The following STK10 variants were observed in gnomAD, a reference collection of about 807,000 sequenced individuals.
The protein encoded by STK10 is serine/threonine-protein kinase 10.
In STK10, 78 loss-of-function variants were observed where a neutral mutation model predicts 113.8. That is an observed-to-expected ratio of 0.69 (90% confidence interval 0.57 to 0.83). The LOEUF (loss-of-function observed/expected upper bound fraction) is 0.83. Among genes scored for constraint, STK10 ranks in the 40% least tolerant of loss-of-function variants. The probability of loss-of-function intolerance (pLI) is 0.00; values close to 1 mark genes in which losing one functional copy is unlikely to be tolerated. For synonymous variants in STK10, 465 were observed against 494.7 expected, an observed-to-expected ratio of 0.94 and a Z score of 0.80; for missense variants, 1,109 against 1,280.1, an observed-to-expected ratio of 0.87 and a Z score of 2.04.
intron 12 of STK10, among the ~76,000 whole-genome samples, chr5:172,081,926 G>C (rs192613912): frequency 6.6e-6 from 1 of 152,304 alleles, no homozygotes; most frequent in Admixed American, 6.5e-5. Context: ...GAGGCAGAGA[G>C]GGTGGAGCAT....
rs527330551 is a variant in STK10 at position 172,177,823 on chromosome 5, TTTTTG to T, written c.156+10059_156+10063del. Among the ~76,000 whole-genome samples, 19 of 151,910 alleles carry T rather than the reference TTTTTG, an allele frequency of 1.3e-4. 1 individual carries two copies. Among genetic ancestry groups the T allele is most frequent in the African/African-American group, 4.4e-4 (18 of 41,340 alleles). On this transcript the variant is annotated intron_variant, in intron 1 of 18. Coordinates refer to ENST00000176763, the MANE Select transcript of STK10 (RefSeq NM_005990.4). ...GAGACAGAAGGGACCAACTTACCTG[TTTTTG>T]TTTTGTTTTGTTTTGTTGAGACAGA...
intron 1 of STK10, among the ~76,000 whole-genome samples, chr5:172,166,159 G>A (rs527589683): frequency 2.0e-5 from 3 of 152,256 alleles, no homozygotes; most frequent in East Asian, 3.9e-4. Flanking sequence ...CTGCTAAATC[G>A]GTAGAATGAA....
rs182062057 is a variant in STK10, at chr5:172,133,019, T to A, written c.322-5598A>T. On this transcript the variant is annotated intron_variant, in intron 2 of 18. Coordinates refer to ENST00000176763, the MANE Select transcript of STK10 (RefSeq NM_005990.4). This position sits in a 1 kb window ranked among gnomAD's most constrained non-coding sequence, Gnocchi z 4.9. Reference sequence around the variant, plus strand: ...GGTGAATTTACCACGTGGGGAAGGGTAAAGGCACTCCTGGCAGAACACAGA... The same window carrying A: ...GGTGAATTTACCACGTGGGGAAGGGAAAAGGCACTCCTGGCAGAACACAGA... Among the ~76,000 whole-genome samples, 448 of 151,984 alleles carry A rather than the reference T, an allele frequency of 2.9e-3. 3 individuals carry two copies. The highest frequency in any genetic ancestry group is 0.01 in the African/African-American group (431 of 41,442).
intron 18 of STK10, 143 bp downstream of exon 18, chr5:172,052,786 C>G (rs1767656379): frequency 1.3e-6 from 1 of 762,536 alleles, no homozygotes; most frequent in Non-Finnish European, 2.1e-6. Flanking sequence ...AAGTTCCCCT[C>G]TCTCTCAGGC....
chr5:172,118,856 G>C (rs1769442600), intron 3 of STK10, among the ~76,000 whole-genome samples: 1 of 139,420 alleles, frequency 7.2e-6, no homozygotes. Flanking sequence ...TCCAGCCTGG[G>C]TGACAGAGCG....
chr5:172,106,824 C>A lies in STK10; in HGVS notation c.594-10G>T, dbSNP rs764722349. 1 of 1,612,138 alleles carries A rather than the reference C, an allele frequency of 6.2e-7. No homozygotes were observed. Among genetic ancestry groups the A allele is most frequent in the Non-Finnish European group, 8.5e-7 (1 of 1,178,672 alleles). On this transcript the variant is annotated splice_polypyrimidine_tract_variant and intron_variant, in intron 5 of 18. Coordinates refer to ENST00000176763, the MANE Select transcript of STK10 (RefSeq NM_005990.4). Reference sequence around the variant, plus strand: ...CACCTCGGGGGCCATCCTGAACCAACCAAGGGACAACATAGGGCTAAGAAT... The same window carrying A: ...CACCTCGGGGGCCATCCTGAACCAAACAAGGGACAACATAGGGCTAAGAAT...
intron 1 of STK10, among the ~76,000 whole-genome samples, chr5:172,182,896 C>G (rs1278177458): frequency 6.6e-6 from 1 of 152,044 alleles, no homozygotes; most frequent in Non-Finnish European, 1.5e-5. Context: ...TCATGTTGCT[C>G]AGGCTGGCAA....
rs1287962493 is a variant in STK10, at chr5:172,044,174, T to A, written c.*708A>T. ...GAAGAGGCCAGGCCAGCAGACCAAG[T>A]CCTGTGTGTACGCGTATGTGTGTGC... On this transcript the variant is annotated 3_prime_UTR_variant, in exon 19 of 19. Transcript: ENST00000176763. The surrounding 1 kb of genome is among the most constrained non-coding windows in gnomAD (Gnocchi z 4.5). The A allele has an allele frequency of 6.6e-6, 1 of 152,540 alleles. No homozygotes were observed. The highest frequency in any genetic ancestry group is 6.5e-5 in the Admixed American group (1 of 15,284). The allele number at this position is 152,540 out of a possible 1,614,324, so 9.4% of individuals were successfully genotyped here. A position where few individuals can be genotyped will look rare whatever the true frequency, so the allele number is the denominator to read the frequency against.
rs952845843 is a variant in STK10, at chr5:172,120,529, C to A, written c.371-2899G>T. On this transcript the variant is annotated intron_variant, in intron 3 of 18. Coordinates refer to ENST00000176763, the MANE Select transcript of STK10 (RefSeq NM_005990.4). This position sits in a 1 kb window ranked among gnomAD's most constrained non-coding sequence, Gnocchi z 4.0. ...GGGCCAGGATCAGAGCCTGCATGGGCTTCAGGACCACACAGACCGAGGCCG... is the reference window on the plus strand; with the variant it reads ...GGGCCAGGATCAGAGCCTGCATGGGATTCAGGACCACACAGACCGAGGCCG... 6.6e-6 allele frequency among the ~76,000 whole-genome samples: 1 copy of A among 152,182 alleles called. No homozygotes were observed. The highest frequency in any genetic ancestry group is 2.4e-5 in the African/African-American group (1 of 41,448).
intron 2 of STK10, among the ~76,000 whole-genome samples, chr5:172,154,587 G>A (rs567154127): frequency 1.4e-4 from 21 of 152,302 alleles, no homozygotes; most frequent in Admixed American, 1.0e-3. Context: ...AGGCTGTCAG[G>A]GCAGCTACAA....
chr5:172,106,401 CAAAAA>C (rs368671444), intron 6 of STK10, among the ~76,000 whole-genome samples: 1 of 53,438 alleles, frequency 1.9e-5, no homozygotes, highest in African/African-American at 5.5e-5. Context: ...GACCCTATCT[CAAAAA>C]AAAAAAAAAA....
intron 1 of STK10, among the ~76,000 whole-genome samples, chr5:172,165,035 G>C (rs551211116): frequency 4.6e-5 from 7 of 152,246 alleles, no homozygotes; most frequent in African/African-American, 1.7e-4. Flanking sequence ...CAGCCTGGAG[G>C]AGGTGGGGAT....
intron 1 of STK10, among the ~76,000 whole-genome samples, chr5:172,162,015 C>T (rs983434493): frequency 5.3e-5 from 8 of 152,202 alleles, no homozygotes; most frequent in African/African-American, 1.9e-4. Context: ...GGCTCTAACT[C>T]TGTGGGGACT....
At chr5:172,050,567 C>T (rs1017054652) in intron 18 of STK10, among the ~76,000 whole-genome samples, 2 of 152,118 alleles carry the variant, frequency 1.3e-5, no homozygotes, top group East Asian at 1.9e-4. Flanking sequence ...AGCAAACACT[C>T]TCTTGAAAAT....
At chr5:172,135,871 A>G (rs1042782060) in intron 2 of STK10, among the ~76,000 whole-genome samples, 26 of 152,024 alleles carry the variant, frequency 1.7e-4, no homozygotes, top group African/African-American at 6.3e-4. Context: ...TACTAAAAAT[A>G]CAAAAATTTG....
At chr5:172,098,876 C>CCAT (rs534755792) in intron 7 of STK10, among the ~76,000 whole-genome samples, 17 of 151,728 alleles carry the variant, frequency 1.1e-4, no homozygotes, top group Non-Finnish European at 2.1e-4. Flanking sequence ...ACCACCACCA[C>CCAT]CATCATCACC....
chr5:172,104,848 G>C (rs770241938), intron 7 of STK10, among the ~76,000 whole-genome samples: 7 of 152,126 alleles, frequency 4.6e-5, no homozygotes, highest in Non-Finnish European at 1.0e-4. Context: ...TGCCAGGCAG[G>C]GGGTGCTTAT....
At chr5:172,154,610 A>G (rs1561828826) in intron 2 of STK10, among the ~76,000 whole-genome samples, 1 of 152,224 alleles carries the variant, frequency 6.6e-6, no homozygotes, top group Non-Finnish European at 1.5e-5. Flanking sequence ...GAGGAGGGAA[A>G]GAAATGGTCT....
chr5:172,054,536 T>G, intron 17 of STK10, 33 bp downstream of exon 17: 4 of 1,596,508 alleles, frequency 2.5e-6, no homozygotes, highest in Non-Finnish European at 3.4e-6. Context: ...TGAGGCAGCC[T>G]GGGGGCAGGG....
Sources: allele counts gnomAD v4.1 joint callset (sites outside exome capture counted in the v4.1 genomes callset), GRCh38; gene constraint gnomAD v4.1.1; non-coding constraint Gnocchi (gnomAD v3.1); transcripts MANE v1.5; gene names NCBI Gene and HGNC (gene_info 2026-07-23, HGNC 2026-07-21).